The following BMPR1B variants were observed in gnomAD, a reference collection of about 807,000 sequenced individuals.
BMPR1B encodes the protein bone morphogenetic protein receptor type-1B.
BMPR1B carries 12 observed loss-of-function variants against 59.1 expected under a neutral mutation model. The ratio of observed to expected loss-of-function variants is 0.20; its 90% confidence interval spans 0.13 to 0.33. The LOEUF is 0.33. Ranked by LOEUF, BMPR1B falls within the 10% of genes least tolerant of loss-of-function variation. The probability of loss-of-function intolerance (pLI) is 1.00; values close to 1 mark genes in which losing one functional copy is unlikely to be tolerated. For missense variants in BMPR1B, 550 were observed against 610.9 expected, an observed-to-expected ratio of 0.90 and a Z score of 1.05; for synonymous variants, 237 against 207.3, an observed-to-expected ratio of 1.14 and a Z score of -1.23.
intron 2 of BMPR1B, among the ~76,000 whole-genome samples, chr4:94,905,716 C>T (rs1728011621): frequency 6.6e-6 from 1 of 151,964 alleles, no homozygotes; most frequent in African/African-American, 2.4e-5. Flanking sequence ...CACAGGATGC[C>T]TGCCTACCTC....
intron 3 of BMPR1B, among the ~76,000 whole-genome samples, chr4:95,015,976 C>T (rs1723559487): frequency 6.6e-6 from 1 of 152,166 alleles, no homozygotes; most frequent in Admixed American, 6.5e-5. Context: ...CAGGCGTGAG[C>T]CACCGCGCCG....
chr4:95,063,370 G>T (rs1727549405), intron 3 of BMPR1B, among the ~76,000 whole-genome samples: 3 of 152,014 alleles, frequency 2.0e-5, no homozygotes, highest in Non-Finnish European at 2.9e-5. Context: ...AATACTTATG[G>T]TTTTACAGTT....
intron 10 of BMPR1B, among the ~76,000 whole-genome samples, chr4:95,145,389 G>C (rs1264991312): frequency 1.3e-5 from 2 of 152,120 alleles, no homozygotes; most frequent in Non-Finnish European, 1.5e-5. Flanking sequence ...GCCCTCTGTG[G>C]ACAAGGAGGC....
chr4:94,791,423 T>C (rs1329375927), intron 1 of BMPR1B, among the ~76,000 whole-genome samples: 2 of 152,190 alleles, frequency 1.3e-5, no homozygotes, highest in Non-Finnish European at 2.9e-5. Context: ...TTTCTAGAAA[T>C]AGCTGAAAAG....
At chr4:95,065,993 G>T (rs1727773247) in intron 3 of BMPR1B, among the ~76,000 whole-genome samples, 1 of 152,140 alleles carries the variant, frequency 6.6e-6, no homozygotes, top group Non-Finnish European at 1.5e-5. Context: ...TAGCGCAGTA[G>T]CCCACCTGCA....
intron 2 of BMPR1B, among the ~76,000 whole-genome samples, chr4:94,881,753 C>T (rs1726982659): frequency 1.3e-5 from 2 of 152,194 alleles, no homozygotes; most frequent in Admixed American, 1.3e-4. Flanking sequence ...GCATGAGCCA[C>T]TGCACCTGGC....
intron 1 of BMPR1B, among the ~76,000 whole-genome samples, chr4:94,762,590 C>G (rs959401244): frequency 6.6e-6 from 1 of 152,062 alleles, no homozygotes; most frequent in African/African-American, 2.4e-5. Context: ...AGAGAGGTGG[C>G]GAGGTTCGTA....
chr4:95,028,429 A>G (rs1724576669), intron 3 of BMPR1B, among the ~76,000 whole-genome samples: 1 of 152,128 alleles, frequency 6.6e-6, no homozygotes, highest in African/African-American at 2.4e-5. Context: ...TATACTACCA[A>G]GACTGTCAAG....
intron 3 of BMPR1B, among the ~76,000 whole-genome samples, chr4:95,061,318 A>G (rs1366318142): frequency 6.6e-6 from 1 of 152,104 alleles, no homozygotes; most frequent in Admixed American, 6.6e-5. Flanking sequence ...CCATTCCATA[A>G]TCCATGTCAT....
At chr4:95,008,471 A>C (rs1257898851) in intron 3 of BMPR1B, among the ~76,000 whole-genome samples, 1 of 152,180 alleles carries the variant, frequency 6.6e-6, no homozygotes, top group African/African-American at 2.4e-5. Flanking sequence ...GGGGTTATCC[A>C]CATGGAAAGT....
chr4:95,058,550 A>G (rs866359427), intron 3 of BMPR1B, among the ~76,000 whole-genome samples: 16 of 152,182 alleles, frequency 1.1e-4, no homozygotes, highest in Non-Finnish European at 7.4e-5. Flanking sequence ...GAGTCAATTT[A>G]ATGTAACAGG....
intron 3 of BMPR1B, among the ~76,000 whole-genome samples, chr4:95,083,037 CAAAAAAAAAAAAA>C (rs1171888403): frequency 1.6e-5 from 1 of 60,642 alleles, no homozygotes; most frequent in Non-Finnish European, 2.8e-5. Context: ...TACTCTGTCT[CAAAAAAAAAAAAA>C]AAAAAAAAAA....
At chr4:94,842,604 G>A (rs1181232515) in intron 1 of BMPR1B, among the ~76,000 whole-genome samples, 4 of 151,984 alleles carry the variant, frequency 2.6e-5, no homozygotes, top group Admixed American at 1.3e-4. Context: ...TGCCCAGGCT[G>A]GAATGCAGTG....
intron 3 of BMPR1B, among the ~76,000 whole-genome samples, chr4:95,026,099 T>TTTCTTTCTTTCCTTCC (rs1336496589): frequency 6.4e-5 from 2 of 31,362 alleles, no homozygotes; most frequent in Non-Finnish European, 1.2e-4. Flanking sequence ...CTTTCTTTCA[T>TTTCTTTCTTTCCTTCC]TTCTTTCTTT....
intron 10 of BMPR1B, among the ~76,000 whole-genome samples, chr4:95,147,774 C>T: frequency 6.6e-6 from 1 of 152,126 alleles, no homozygotes; most frequent in Non-Finnish European, 1.5e-5. Flanking sequence ...ACTTAAGTAT[C>T]TAATATGTGC....
At chr4:94,807,595 A>G (rs1003534387) in intron 1 of BMPR1B, among the ~76,000 whole-genome samples, 4 of 152,242 alleles carry the variant, frequency 2.6e-5, no homozygotes, top group African/African-American at 9.6e-5. Context: ...TGGAGAGAAT[A>G]TAAGTTTTTT....
intron 1 of BMPR1B, among the ~76,000 whole-genome samples, chr4:94,776,786 C>A (rs187675937): frequency 6.6e-6 from 1 of 151,984 alleles, no homozygotes; most frequent in African/African-American, 2.4e-5. Context: ...CATGAATACG[C>A]GTTCAATGGA....
intron 4 of BMPR1B, among the ~76,000 whole-genome samples, chr4:95,106,649 A>C (rs1215172008): frequency 7.2e-5 from 11 of 152,044 alleles, no homozygotes; most frequent in Non-Finnish European, 2.9e-5. Context: ...GATACATTTG[A>C]GGATTTTTAT....
rs890468896 is a variant in BMPR1B, at chr4:95,069,359, C to G, written c.-17-35049C>G. Among the ~76,000 whole-genome samples, 9 of 152,182 alleles carry G rather than the reference C, an allele frequency of 5.9e-5. No individual in the cohort carries two copies. In the South Asian group the frequency reaches 1.9e-3, roughly 32 times the overall value. On this transcript the variant is annotated intron_variant, in intron 3 of 12. Coordinates refer to ENST00000515059, the MANE Select transcript of BMPR1B (RefSeq NM_001203.3). The stretch of plus-strand genomic sequence containing the variant: ...GTTCCCCATTTCTTGTCTGACCTCA[C>G]CATGTACTACTGTTATTCTTGCTGG...
Sources: gnomAD v4.1 joint callset for allele counts (sites outside exome capture counted in the v4.1 genomes callset) on GRCh38, gnomAD v4.1.1 for gene constraint, MANE v1.5 for transcripts, NCBI Gene and HGNC (gene_info 2026-07-23, HGNC 2026-07-21) for gene names.